The following FHIT variants were observed in gnomAD, a reference collection of about 807,000 sequenced individuals.
FHIT encodes the protein bis(5'-adenosyl)-triphosphatase.
In FHIT, 19 loss-of-function variants were observed where a neutral mutation model predicts 17.9. That is an observed-to-expected ratio of 1.06 (90% CI 0.74 to 1.56). The LOEUF (loss-of-function observed/expected upper bound fraction) is 1.56, where lower values mean the gene tolerates loss of function less well. Ranked by LOEUF, FHIT falls within the 40% of genes most tolerant of loss-of-function variation. The pLI is 0.00. For synonymous variants in FHIT, 81 were observed against 69.7 expected, an observed-to-expected ratio of 1.16 and a Z score of -0.81; for missense variants, 248 against 189.2, an observed-to-expected ratio of 1.31 and a Z score of -1.82.
intron 1 of FHIT, among the ~76,000 whole-genome samples, chr3:61,204,280 G>A (rs192209145): frequency 4.9e-4 from 75 of 152,204 alleles, no homozygotes; most frequent in East Asian, 1.2e-3. Flanking sequence ...AGGAATGGGG[G>A]GGCTTCTGGA....
At chr3:60,654,063 G>A (rs1306144347) in intron 4 of FHIT, among the ~76,000 whole-genome samples, 1 of 151,242 alleles carries the variant, frequency 6.6e-6, no homozygotes, top group East Asian at 2.0e-4. Flanking sequence ...GTAGCACCTC[G>A]CTTCCCCACT....
intron 5 of FHIT, among the ~76,000 whole-genome samples, chr3:60,130,793 A>ACACATATATGTGTGTGTGTGTGTG (rs1165614900): frequency 5.7e-5 from 8 of 140,426 alleles, no homozygotes; most frequent in South Asian, 2.2e-4. Flanking sequence ...TGGTGTGTAT[A>ACACATATATGTGTGTGTGTGTGTG]TACACACATA....
intron 2 of FHIT, among the ~76,000 whole-genome samples, chr3:61,047,438 C>T (rs1490879972): frequency 6.6e-6 from 1 of 151,452 alleles, no homozygotes; most frequent in Non-Finnish European, 1.5e-5. Context: ...TGTGAAGAAC[C>T]TCTTCAAGGA....
chr3:60,042,561 C>T (rs1052666430), intron 5 of FHIT, among the ~76,000 whole-genome samples: 1 of 152,054 alleles, frequency 6.6e-6, no homozygotes, highest in African/African-American at 2.4e-5. Context: ...ACTGTCTTCC[C>T]TCTTTGCTTG....
chr3:60,096,740 A>G (rs1703965436), intron 5 of FHIT, among the ~76,000 whole-genome samples: 1 of 152,188 alleles, frequency 6.6e-6, no homozygotes, highest in South Asian at 2.1e-4. Context: ...CGCATGGACA[A>G]AGAAAAACAA....
chr3:60,131,592 C>A (rs1254089513), intron 5 of FHIT, among the ~76,000 whole-genome samples: 1 of 152,238 alleles, frequency 6.6e-6, no homozygotes, highest in South Asian at 2.1e-4. Context: ...CCTTTCCCCC[C>A]AGTTCTCCCT....
chr3:61,211,355 C>G (rs552125023), intron 1 of FHIT, among the ~76,000 whole-genome samples: 1 of 152,330 alleles, frequency 6.6e-6, no homozygotes, highest in East Asian at 1.9e-4. Flanking sequence ...AGATTATATC[C>G]CACACCTGGC....
intron 3 of FHIT, among the ~76,000 whole-genome samples, chr3:60,911,837 T>C: frequency 6.6e-6 from 1 of 152,140 alleles, no homozygotes; most frequent in East Asian, 1.9e-4. Context: ...GGGGGTAAAA[T>C]TATTTTTGTT....
intron 5 of FHIT, among the ~76,000 whole-genome samples, chr3:60,411,593 C>T (rs550593180): frequency 2.0e-5 from 3 of 152,250 alleles, no homozygotes; most frequent in Middle Eastern, 3.4e-3. Context: ...CTCAGCTGAA[C>T]GTTGTTTATT....
chr3:60,940,898 A>G (rs1296624819), intron 3 of FHIT, among the ~76,000 whole-genome samples: 1 of 152,216 alleles, frequency 6.6e-6, no homozygotes, highest in Non-Finnish European at 1.5e-5. Flanking sequence ...TGGTAGTGTC[A>G]AACTGCTATG....
chr3:60,614,814 T>TC, intron 4 of FHIT, among the ~76,000 whole-genome samples: 1 of 65,458 alleles, frequency 1.5e-5, no homozygotes, highest in East Asian at 5.7e-4. Flanking sequence ...AAGTTGTTTT[T>TC]TTTTTGTTTT....
At chr3:59,870,156 C>T (rs531522946) in intron 8 of FHIT, among the ~76,000 whole-genome samples, 229 of 152,308 alleles carry the variant, frequency 1.5e-3, no homozygotes, top group African/African-American at 5.1e-3. Flanking sequence ...CAAATGCCTT[C>T]TCCTAACTAT....
chr3:60,705,525 T>C (rs956000891), intron 4 of FHIT, among the ~76,000 whole-genome samples: 5 of 152,194 alleles, frequency 3.3e-5, no homozygotes, highest in African/African-American at 1.2e-4. Flanking sequence ...GAAAAGCAAT[T>C]CTATTGAATT....
intron 4 of FHIT, among the ~76,000 whole-genome samples, chr3:60,791,002 C>T (rs141339761): frequency 6.6e-6 from 1 of 152,010 alleles, no homozygotes; most frequent in African/African-American, 2.4e-5. Context: ...AATAGTGAAC[C>T]AAATGTAATA....
chr3:60,215,171 A>G (rs977184341), intron 5 of FHIT, among the ~76,000 whole-genome samples: 7 of 152,216 alleles, frequency 4.6e-5, no homozygotes, highest in African/African-American at 1.7e-4. Flanking sequence ...AATCTAAAAT[A>G]AAATAAGATA....
chr3:60,274,263 C>T (rs1475989401), intron 5 of FHIT, among the ~76,000 whole-genome samples: 1 of 152,148 alleles, frequency 6.6e-6, no homozygotes, highest in Non-Finnish European at 1.5e-5. Flanking sequence ...CTCTACCTCA[C>T]TAGATTATAA....
intron 5 of FHIT, among the ~76,000 whole-genome samples, chr3:60,523,441 C>G (rs942498185): frequency 6.6e-6 from 1 of 151,816 alleles, no homozygotes; most frequent in Non-Finnish European, 1.5e-5. Context: ...TGGAAATTTC[C>G]TTGATTATTA....
chr3:60,157,442 T>A (rs1700751299), intron 5 of FHIT, among the ~76,000 whole-genome samples: 1 of 152,176 alleles, frequency 6.6e-6, no homozygotes, highest in African/African-American at 2.4e-5. Flanking sequence ...AGATGACCTC[T>A]TATGTCCCTT....
At chr3:60,592,570 T>C (rs941876048) in intron 4 of FHIT, among the ~76,000 whole-genome samples, 13 of 152,130 alleles carry the variant, frequency 8.5e-5, no homozygotes, top group African/African-American at 3.1e-4. Flanking sequence ...CAAGATGGCA[T>C]TCCAGCCATG....
Sources: allele counts gnomAD v4.1 joint callset (sites outside exome capture counted in the v4.1 genomes callset), GRCh38; gene constraint gnomAD v4.1.1; transcripts MANE v1.5; gene names NCBI Gene and HGNC (gene_info 2026-07-23, HGNC 2026-07-21).